The following RTTN variants were observed in gnomAD, a reference collection of about 807,000 sequenced individuals.
The protein encoded by RTTN is rotatin.
In RTTN, 182 loss-of-function variants were observed where a neutral mutation model predicts 269.2. The ratio of observed to expected loss-of-function variants is 0.68; its 90% CI spans 0.60 to 0.76. The LOEUF (loss-of-function observed/expected upper bound fraction) is 0.76, where lower values mean the gene tolerates loss of function less well. RTTN is among the 30% of genes least tolerant of loss of function. The pLI, the probability that RTTN is intolerant of heterozygous loss-of-function variation, is 0.00. For synonymous variants in RTTN, 1,006 were observed against 963.5 expected, an observed-to-expected ratio of 1.04 and a Z score of -0.82; for missense variants, 2,545 against 2,608.6, an observed-to-expected ratio of 0.98 and a Z score of 0.53.
intron 41 of RTTN, 94 bp from the exon 42 acceptor site, chr18:70,030,203 T>A: frequency 2.5e-6 from 2 of 807,846 alleles, no homozygotes; most frequent in South Asian, 3.8e-5. Context: ...AAGGTAACAT[T>A]TTCTATTTCT....
At chr18:70,091,103 G>A (rs1450890559) in intron 30 of RTTN, among the ~76,000 whole-genome samples, 3 of 152,130 alleles carry the variant, frequency 2.0e-5, no homozygotes, top group African/African-American at 4.8e-5. Context: ...TTTATATCTG[G>A]AGACTTACCC....
intron 34 of RTTN, among the ~76,000 whole-genome samples, chr18:70,071,024 C>T (rs1377915219): frequency 6.6e-6 from 1 of 152,144 alleles, no homozygotes; most frequent in East Asian, 1.9e-4. Flanking sequence ...CTCACTGTCC[C>T]TTGACTACAC....
At position 70,100,500 on chromosome 18, in the gene RTTN, A is replaced by AAT. The variant is rs1305112473; in HGVS notation, c.3904-7698_3904-7697dup. On this transcript the variant is annotated intron_variant, in intron 28 of 48. Coordinates refer to ENST00000640769, the MANE Select transcript of RTTN (RefSeq NM_173630.4). ...TGGGCTGAGACGATGGGGTTTTCTA[A>AAT]ATATACAATCATGTCATCTGCAAAC... Among the ~76,000 whole-genome samples the AAT allele has an allele frequency of 1.8e-4, 27 of 152,246 alleles. No homozygotes were observed. In the East Asian group the frequency reaches 5.0e-3, roughly 28 times the overall value.
At chr18:70,054,002 T>G (rs2057745614) in intron 38 of RTTN, 129 bp downstream of exon 38, 1 of 741,054 alleles carries the variant, frequency 1.3e-6, no homozygotes, top group Admixed American at 2.8e-5. Flanking sequence ...AAACACATTA[T>G]CAAAGCCTTC....
intron 47 of RTTN, 57 bp downstream of exon 47, chr18:70,006,324 C>A: frequency 8.2e-7 from 1 of 1,218,772 alleles, no homozygotes; most frequent in Admixed American, 1.7e-5. Flanking sequence ...AGAGTTTATA[C>A]CTGGGTTATA....
Position 70,059,842 on chromosome 18 carries a change from T to C in RTTN, c.4940+8A>G, listed in dbSNP as rs775817498. 6.4e-7 allele frequency: 1 copy of C among 1,572,074 alleles called. No homozygotes were observed. Among genetic ancestry groups the C allele is most frequent in the East Asian group, 2.2e-5 (1 of 44,592 alleles). On this transcript the variant is annotated splice_region_variant and intron_variant, in intron 36 of 48. Transcript: ENST00000640769. ...TAACATGCCTCTCTAGGAGTATTTA[T>C]CTCTTACCTACAGAGAAGTTCTATG...
chr18:70,204,015 C>A, intron 3 of RTTN, 71 bp downstream of exon 3: 2 of 1,192,718 alleles, frequency 1.7e-6, no homozygotes, highest in Non-Finnish European at 1.2e-6. Flanking sequence ...TTAAAAAAAT[C>A]TAATCTCCCT....
At chr18:70,183,925 G>A (rs1466100075) in intron 10 of RTTN, among the ~76,000 whole-genome samples, 2 of 152,076 alleles carry the variant, frequency 1.3e-5, no homozygotes, top group East Asian at 3.8e-4. Context: ...GCACCTACAT[G>A]CCCAGCTAAT....
rs2060981361 is a variant in RTTN, at chr18:70,166,177, G to A, written c.1814C>T (p.Ala605Val). 11 of 1,611,826 alleles carry A rather than the reference G, an allele frequency of 6.8e-6. No individual in the cohort carries two copies. The East Asian group carries it at 2.5e-4, about 36-fold the overall frequency. ...ISICSKIWKS[A>V]QASPLLQGES... ...TCCTTGTAGTAATGGACTGGCCTGA[G>A]CAGATTTCCAGCTGGTGAAAAGGTA... Residue 605 changes from alanine to valine, a missense_variant, in exon 14 of 49, where the codon GCT becomes GTT. Coordinates refer to ENST00000640769, the MANE Select transcript of RTTN (RefSeq NM_173630.4).
In RTTN at chr18:70,134,519, G is replaced by T. The variant is rs373710103; in HGVS notation, c.2908C>A (p.Pro970Thr). Reference protein sequence around the residue: ...DMWSVNPSNKPSLPSVFSLPV... With the variant: ...DMWSVNPSNKTSLPSVFSLPV... ...AAACTGAAGACCGATGGCAAAGAAG[G>T]TTTATTGGAAGGATTAACAGACCTA... The change falls in exon 23 of 49, where the codon CCT becomes ACT. Residue 970 changes from proline (P) to threonine (T), a missense_variant. Coordinates refer to ENST00000640769, the MANE Select transcript of RTTN (RefSeq NM_173630.4). 22 of 1,610,134 alleles carry T rather than the reference G, an allele frequency of 1.4e-5. No homozygotes were observed. Among genetic ancestry groups the T allele is most frequent in the Non-Finnish European group, 1.9e-5 (22 of 1,177,924 alleles).
chr18:70,129,861 C>T (rs1280487264), intron 23 of RTTN: 1 of 151,904 alleles, frequency 6.6e-6, no homozygotes. Flanking sequence ...AGAGAAAACA[C>T]TTGCAAACTA....
At chr18:70,088,281 C>T in intron 30 of RTTN, 134 bp from the exon 31 acceptor site, 1 of 727,660 alleles carries the variant, frequency 1.4e-6, no homozygotes, top group Admixed American at 3.3e-5. Context: ...ATAAGAGACA[C>T]CTATAGAAGA....
At chr18:70,017,998 C>T (rs2056593011) in intron 45 of RTTN, among the ~76,000 whole-genome samples, 1 of 152,046 alleles carries the variant, frequency 6.6e-6, no homozygotes, top group Non-Finnish European at 1.5e-5. Context: ...CTTCTCTCTG[C>T]CTTCTGGTGA....
At chr18:70,070,246 T>C (rs2058259443) in intron 34 of RTTN, among the ~76,000 whole-genome samples, 1 of 152,242 alleles carries the variant, frequency 6.6e-6, no homozygotes. Context: ...CAAGAGCTTG[T>C]CTCACTTGTA....
chr18:70,082,390 C>T (rs538654899), intron 32 of RTTN, among the ~76,000 whole-genome samples: 1 of 146,928 alleles, frequency 6.8e-6, no homozygotes, highest in East Asian at 2.1e-4. Flanking sequence ...AATATTTAGA[C>T]ACTCAACAAA....
chr18:70,048,319 C>A, intron 39 of RTTN, 131 bp from the exon 40 acceptor site: 1 of 858,052 alleles, frequency 1.2e-6, no homozygotes, highest in Non-Finnish European at 1.8e-6. Context: ...TGTGTTGCAA[C>A]TGTTAAAGGA....
intron 40 of RTTN, among the ~76,000 whole-genome samples, chr18:70,039,587 A>G (rs1172809252): frequency 6.6e-6 from 1 of 152,190 alleles, no homozygotes; most frequent in Non-Finnish European, 1.5e-5. Flanking sequence ...AAATAAAAGG[A>G]TGTTCGTGAG....
chr18:70,160,079 T>C (rs2060785416), intron 14 of RTTN, among the ~76,000 whole-genome samples: 1 of 151,982 alleles, frequency 6.6e-6, no homozygotes, highest in Non-Finnish European at 1.5e-5. Context: ...CCTAACTCAT[T>C]CTATGAGGCC....
At chr18:70,197,828 CT>C (rs1485055352) in intron 5 of RTTN, 90 bp from the exon 6 acceptor site, 10 of 800,840 alleles carry the variant, frequency 1.2e-5, no homozygotes, top group Non-Finnish European at 2.1e-5. Flanking sequence ...CATTAACAAT[CT>C]TTTGGGTCTC....
Sources: allele counts gnomAD v4.1 joint callset (sites outside exome capture counted in the v4.1 genomes callset), GRCh38; gene constraint gnomAD v4.1.1; transcripts MANE v1.5; gene names NCBI Gene and HGNC (gene_info 2026-07-23, HGNC 2026-07-21).